MAP3K5: variants seen among roughly 807,000 people sequenced by gnomAD.
MAP3K5 encodes the protein ASK-1.
A neutral mutation model predicts 158.7 loss-of-function variants in MAP3K5; 56 were observed. That is an observed-to-expected ratio of 0.35 (90% confidence interval 0.28 to 0.44). MAP3K5 has a LOEUF of 0.44. Among genes scored for constraint, MAP3K5 ranks in the 20% least tolerant of loss-of-function variants. The pLI, the probability that MAP3K5 is intolerant of heterozygous loss-of-function variation, is 1.00. For missense variants in MAP3K5, 1,294 were observed against 1,674.8 expected (o/e 0.77, Z 3.97); for synonymous variants, 579 against 601.7 (o/e 0.96, Z 0.55).
intron 1 of MAP3K5, among the ~76,000 whole-genome samples, chr6:136,776,231 TGTC>T (rs1784399496): frequency 6.6e-6 from 1 of 152,120 alleles, no homozygotes; most frequent in African/African-American, 2.4e-5. Context: ...GTTTTGGGGT[TGTC>T]TTTTATTTTT....
chr6:136,773,573 C>T (rs755434570), intron 1 of MAP3K5, among the ~76,000 whole-genome samples: 2 of 152,136 alleles, frequency 1.3e-5, no homozygotes, highest in Admixed American at 6.6e-5. Flanking sequence ...ATCTGTTGTG[C>T]CATCTTACCA....
Position 136,792,320 on chromosome 6 carries a change from C to T in MAP3K5, c.-163G>A. The T allele has an allele frequency of 9.7e-7, 1 of 1,030,958 alleles. No homozygotes were observed. The highest frequency in any genetic ancestry group is 1.2e-6 in the Non-Finnish European group (1 of 863,984). 63.9% of individuals were successfully genotyped at this position (1,030,958 alleles called of 1,614,324 possible). A position where few individuals can be genotyped will look rare whatever the true frequency, so the allele number is the denominator to read the frequency against. ...GCCTCCTCTCCGGCGCCCTCTCCCC[C>T]GAGGGCACGCCGCTGCCCGGCGGCG... On this transcript the variant is annotated 5_prime_UTR_variant, in exon 1 of 30. Transcript: ENST00000359015. The surrounding 1 kb of genome is among the most constrained non-coding windows in gnomAD (Gnocchi z 5.7).
At chr6:136,720,644 A>G (rs1335385060) in intron 1 of MAP3K5, 55 bp from the exon 2 acceptor site, 4 of 1,400,148 alleles carry the variant, frequency 2.9e-6, no homozygotes, top group Non-Finnish European at 3.9e-6. Flanking sequence ...ATGCCCAATC[A>G]GCACATTTTG....
At chr6:136,720,339 A>C in intron 2 of MAP3K5, 111 bp downstream of exon 2, 1 of 1,053,184 alleles carries the variant, frequency 9.5e-7, no homozygotes, top group Non-Finnish European at 1.3e-6. Context: ...ATACTAACCA[A>C]ACATATAAAA....
chr6:136,654,744 C>T (rs1778669899), intron 10 of MAP3K5, among the ~76,000 whole-genome samples: 1 of 152,104 alleles, frequency 6.6e-6, no homozygotes, highest in Admixed American at 6.5e-5. Context: ...TCATGCCTGG[C>T]CTCTTCTTAT....
At chr6:136,664,958 A>G (rs1779162963) in intron 8 of MAP3K5, among the ~76,000 whole-genome samples, 1 of 152,012 alleles carries the variant, frequency 6.6e-6, no homozygotes, top group African/African-American at 2.4e-5. Context: ...AAAAATCAAA[A>G]AGAAGAGCTG....
intron 7 of MAP3K5, among the ~76,000 whole-genome samples, chr6:136,677,491 A>G (rs1779758697): frequency 6.6e-6 from 1 of 152,188 alleles, no homozygotes; most frequent in Non-Finnish European, 1.5e-5. Context: ...AGAGTGTTAC[A>G]GTATCAAACA....
intron 7 of MAP3K5, among the ~76,000 whole-genome samples, chr6:136,684,740 C>A (rs192454087): frequency 5.9e-5 from 9 of 152,266 alleles, no homozygotes; most frequent in African/African-American, 9.6e-5. Flanking sequence ...ATGTGACGGG[C>A]ACCACTGCTG....
chr6:136,673,154 G>A (rs1391479452), intron 7 of MAP3K5, among the ~76,000 whole-genome samples: 1 of 152,140 alleles, frequency 6.6e-6, no homozygotes, highest in East Asian at 1.9e-4. Flanking sequence ...AAGTTCAAGA[G>A]GGTCACAGCT....
intron 15 of MAP3K5, among the ~76,000 whole-genome samples, chr6:136,617,437 C>T (rs1279370224): frequency 6.6e-6 from 1 of 152,136 alleles, no homozygotes; most frequent in African/African-American, 2.4e-5. Context: ...TAGGTATCGC[C>T]AGACATCCCC....
chr6:136,610,757 C>T (rs1481069320), intron 18 of MAP3K5, among the ~76,000 whole-genome samples: 3 of 150,256 alleles, frequency 2.0e-5, no homozygotes, highest in Non-Finnish European at 4.4e-5. Context: ...CATATAAATA[C>T]AGGAAGAGAA....
chr6:136,558,235 T>C (rs1223727044), intron 29 of MAP3K5, among the ~76,000 whole-genome samples: 5 of 152,078 alleles, frequency 3.3e-5, no homozygotes, highest in Non-Finnish European at 5.9e-5. Context: ...AAAAATTAGC[T>C]GGGCGTGGTG....
At chr6:136,708,616 C>A (rs1781176785) in intron 2 of MAP3K5, among the ~76,000 whole-genome samples, 1 of 152,052 alleles carries the variant, frequency 6.6e-6, no homozygotes. Context: ...CCAGAGACAT[C>A]ATAGTAAGTG....
intron 1 of MAP3K5, among the ~76,000 whole-genome samples, chr6:136,745,830 TTTAA>T (rs1782930567): frequency 6.6e-6 from 1 of 152,164 alleles, no homozygotes; most frequent in Non-Finnish European, 1.5e-5. Context: ...TAGCAAGAAA[TTTAA>T]TCTAGATAAT....
chr6:136,633,760 T>C (rs1366795407), intron 14 of MAP3K5, among the ~76,000 whole-genome samples: 3 of 152,234 alleles, frequency 2.0e-5, no homozygotes, highest in Non-Finnish European at 2.9e-5. Context: ...TTGTAGTTTA[T>C]AGAATCACAT....
At chr6:136,600,187 ATT>A (rs907571176) in intron 21 of MAP3K5, among the ~76,000 whole-genome samples, 56 of 132,664 alleles carry the variant, frequency 4.2e-4, no homozygotes, top group Middle Eastern at 3.7e-3. Context: ...CATGCTGTTA[ATT>A]TTTTTTTTTT....
At chr6:136,680,301 T>C (rs1288077593) in intron 7 of MAP3K5, among the ~76,000 whole-genome samples, 2 of 152,220 alleles carry the variant, frequency 1.3e-5, no homozygotes, top group East Asian at 3.8e-4. Flanking sequence ...TTAATGCCAC[T>C]GAACTGTACA....
chr6:136,791,625 G>T, intron 1 of MAP3K5, 85 bp downstream of exon 1: 2 of 1,454,676 alleles, frequency 1.4e-6, no homozygotes, highest in South Asian at 1.2e-5. Flanking sequence ...AATGCTTCCC[G>T]CCCAGAAAAA....
chr6:136,776,680 A>C (rs1445067602), intron 1 of MAP3K5, among the ~76,000 whole-genome samples: 1 of 152,236 alleles, frequency 6.6e-6, no homozygotes, highest in Non-Finnish European at 1.5e-5. Flanking sequence ...CAAATTCTTT[A>C]GCTTGGAGTT....
Sources: allele counts gnomAD v4.1 joint callset (sites outside exome capture counted in the v4.1 genomes callset), GRCh38; gene constraint gnomAD v4.1.1; non-coding constraint Gnocchi (gnomAD v3.1); transcripts MANE v1.5; gene names NCBI Gene and HGNC (gene_info 2026-07-23, HGNC 2026-07-21).